MRPL42: variants seen among roughly 807,000 people sequenced by gnomAD.
MRPL42 encodes the protein large ribosomal subunit protein mL42.
MRPL42 carries 17 observed loss-of-function variants against 17.9 expected under a neutral mutation model. The ratio of observed to expected loss-of-function variants is 0.95; its 90% CI spans 0.65 to 1.42. The LOEUF (loss-of-function observed/expected upper bound fraction) is 1.42. Ranked by LOEUF, MRPL42 falls within the 40% of genes most tolerant of loss-of-function variation. The probability of loss-of-function intolerance (pLI) is 0.00; values close to 1 mark genes in which losing one functional copy is unlikely to be tolerated. For synonymous variants in MRPL42, 59 were observed against 54.4 expected (o/e 1.08, Z -0.37); for missense variants, 177 against 175.2 (o/e 1.01, Z -0.06).
Position 93,488,982 on chromosome 12 carries a change from C to T in MRPL42, c.383+1322C>T, listed in dbSNP as rs1206599845. 4.6e-5 allele frequency among the ~76,000 whole-genome samples: 7 copies of T among 151,978 alleles called. No individual in the cohort carries two copies. The East Asian group carries it at 5.8e-4, about 13-fold the overall frequency. On this transcript the variant is annotated intron_variant, in intron 5 of 5. Coordinates refer to ENST00000549982, the MANE Select transcript of MRPL42 (RefSeq NM_014050.4). ...CTGGGATTACAGGCACACTCTGCCA[C>T]GCCCAGCTAGTTTGAACAAAACTTT...
intron 4 of MRPL42, among the ~76,000 whole-genome samples, chr12:93,484,769 T>C (rs1880623914): frequency 6.6e-6 from 1 of 150,878 alleles, no homozygotes; most frequent in Admixed American, 6.7e-5. Context: ...GCTAATTTTT[T>C]GTATTTTCAG....
chr12:93,488,349 C>G (rs1953347812), intron 5 of MRPL42: 3 of 398,334 alleles, frequency 7.5e-6, no homozygotes, highest in South Asian at 2.5e-4. Flanking sequence ...CTCAAGTGAT[C>G]CTCCTCCCTC....
rs1039249471 is a variant in MRPL42, at chr12:93,502,016, G to C, written c.*795G>C. The C allele has an allele frequency of 7.2e-5, 11 of 152,122 alleles. No homozygotes were observed. The highest frequency in any genetic ancestry group is 3.4e-3 in the Middle Eastern group (1 of 292). 9.4% of individuals were successfully genotyped at this position (152,122 alleles called of 1,614,324 possible). A position where few individuals can be genotyped will look rare whatever the true frequency, so the allele number is the denominator to read the frequency against. On this transcript the variant is annotated 3_prime_UTR_variant, in exon 6 of 6. Coordinates refer to ENST00000549982, the MANE Select transcript of MRPL42 (RefSeq NM_014050.4). Reference sequence around the variant, plus strand: ...AGTGACTCGAACCTTACCCAAACAAGTGGGAGAGCCAGGAGCCAAACTATC... The same window carrying C: ...AGTGACTCGAACCTTACCCAAACAACTGGGAGAGCCAGGAGCCAAACTATC...
At chr12:93,468,634 A>AG (rs1428468538) in intron 1 of MRPL42, among the ~76,000 whole-genome samples, 1 of 152,196 alleles carries the variant, frequency 6.6e-6, no homozygotes, top group East Asian at 1.9e-4. Context: ...TACACATATA[A>AG]GATGGTGAAA....
rs1024292393 is a variant in MRPL42, at chr12:93,503,994, T to A, written c.*2773T>A. 1 of 116,270 alleles carries A rather than the reference T, an allele frequency of 8.6e-6. No individual in the cohort carries two copies. The highest frequency in any genetic ancestry group is 1.9e-5 in the Non-Finnish European group (1 of 53,986). 7.2% of individuals were successfully genotyped at this position (116,270 alleles called of 1,614,324 possible). On this transcript the variant is annotated 3_prime_UTR_variant, in exon 6 of 6. Transcript: ENST00000549982. The stretch of plus-strand genomic sequence containing the variant: ...TTCTTTTTTTATTTTTTTTTTAAAT[T>A]TATTTCTTCTTTTTTTTTTCTTATA...
intron 4 of MRPL42, among the ~76,000 whole-genome samples, chr12:93,484,979 CATATATATAT>C (rs4020795): frequency 0.039 from 880 of 22,392 alleles, 47 homozygotes; most frequent in East Asian, 0.073. Context: ...CACACACACA[CATATATATAT>C]ATATATATAT....
In MRPL42 at chr12:93,511,227, A is replaced by G. The variant is rs1953722728; in HGVS notation, c.*10006A>G. On this transcript the variant is annotated 3_prime_UTR_variant, in exon 6 of 6. Coordinates refer to ENST00000549982, the MANE Select transcript of MRPL42 (RefSeq NM_014050.4). ...GTTCTGGCAAATGAAGCAATAAAAT[A>G]ATCAAAACTAAATCAACATTTAAAT... 1 of 152,216 alleles carries G rather than the reference A, an allele frequency of 6.6e-6. No homozygotes were observed. Among genetic ancestry groups the G allele is most frequent in the South Asian group, 2.1e-4 (1 of 4,834 alleles). 9.4% of individuals were successfully genotyped at this position (152,216 alleles called of 1,614,324 possible). A position where few individuals can be genotyped will look rare whatever the true frequency, so the allele number is the denominator to read the frequency against.
chr12:93,510,184 G>GCATA lies in MRPL42; in HGVS notation c.*8963_*8964insCATA, dbSNP rs1953713397. On this transcript the variant is annotated 3_prime_UTR_variant, in exon 6 of 6. Transcript: ENST00000549982. ...CCTTTTTCAGAACGCCATATAGTTG[G>GCATA]AATCATAAAGTATATATAGCCTTTT... The GCATA allele has an allele frequency of 1.3e-5, 2 of 152,182 alleles. No homozygotes were observed. Among genetic ancestry groups the GCATA allele is most frequent in the African/African-American group, 4.8e-5 (2 of 41,402 alleles). The allele number at this position is 152,182 out of a possible 1,614,324, so 9.4% of individuals were successfully genotyped here. A position where few individuals can be genotyped will look rare whatever the true frequency, so the allele number is the denominator to read the frequency against.
At chr12:93,485,728 A>G (rs555756940) in intron 4 of MRPL42, among the ~76,000 whole-genome samples, 1 of 152,320 alleles carries the variant, frequency 6.6e-6, no homozygotes. Context: ...TGAATGTTAC[A>G]ATCTTTGTTA....
At chr12:93,488,374 G>A (rs1953349955) in intron 5 of MRPL42, 1 of 398,438 alleles carries the variant, frequency 2.5e-6, no homozygotes, top group Non-Finnish European at 4.4e-6. Context: ...GGGATTGTAA[G>A]AATGAGCCAC....
Position 93,487,653 on chromosome 12 carries a change from C to A in MRPL42, c.376C>A (p.His126Asn). Residue 126 changes from histidine to asparagine, a missense_variant, in exon 5 of 6, where the codon CAT becomes AAT. Coordinates refer to ENST00000549982, the MANE Select transcript of MRPL42 (RefSeq NM_014050.4). ...TACTACTAAGCACCGTTGGTATCCT[C>A]ATGGACGGTAAGTTTTCTTTTCTTT... ...FFTTKHRWYP[H>N]GRYHRCRKNL... is the part of the protein sequence containing the mutation. 1 of 1,603,948 alleles carries A rather than the reference C, an allele frequency of 6.2e-7. No homozygotes were observed. The highest frequency in any genetic ancestry group is 1.1e-5 in the South Asian group (1 of 89,226).
chr12:93,488,209 A>T, intron 5 of MRPL42: 1 of 386,082 alleles, frequency 2.6e-6, no homozygotes. Flanking sequence ...TGACCTTGTG[A>T]TCCACCCACC....
intron 4 of MRPL42, among the ~76,000 whole-genome samples, chr12:93,480,862 A>C (rs1051358377): frequency 4.6e-5 from 7 of 152,052 alleles, no homozygotes; most frequent in African/African-American, 1.7e-4. Flanking sequence ...ATTCCTTTTT[A>C]AACTCACCAT....
At chr12:93,475,020 G>C (rs958477296) in intron 2 of MRPL42, among the ~76,000 whole-genome samples, 7 of 152,280 alleles carry the variant, frequency 4.6e-5, no homozygotes, top group Non-Finnish European at 1.0e-4. Context: ...TTGAACATGG[G>C]AGGCGGAGGT....
chr12:93,482,743 G>A (rs886754534), intron 4 of MRPL42, among the ~76,000 whole-genome samples: 1 of 152,058 alleles, frequency 6.6e-6, no homozygotes, highest in Non-Finnish European at 1.5e-5. Context: ...ACACCACCAT[G>A]CCCAGCTAAT....
rs1953614920 is a variant in MRPL42 at position 93,502,901 on chromosome 12, A to C, written c.*1680A>C. The C allele has an allele frequency of 6.6e-6, 1 of 152,220 alleles. No individual in the cohort carries two copies. The allele number at this position is 152,220 out of a possible 1,614,324, so 9.4% of individuals were successfully genotyped here. A position where few individuals can be genotyped will look rare whatever the true frequency, so the allele number is the denominator to read the frequency against. On this transcript the variant is annotated 3_prime_UTR_variant, in exon 6 of 6. Transcript: ENST00000549982. The stretch of plus-strand genomic sequence containing the variant: ...GGAGAATTAACTTTGACTTTATTCT[A>C]CTGGAAGTATAGATTAACACTGTGC...
chr12:93,476,758 G>C (rs534498301), intron 2 of MRPL42, among the ~76,000 whole-genome samples, 196 bp from the exon 3 acceptor site: 3 of 152,152 alleles, frequency 2.0e-5, no homozygotes, highest in South Asian at 4.1e-4. Context: ...TTGTTTGTCT[G>C]TCTCTCTCAC....
chr12:93,480,415 C>T (rs971504518), intron 4 of MRPL42, among the ~76,000 whole-genome samples: 1 of 151,878 alleles, frequency 6.6e-6, no homozygotes, highest in Non-Finnish European at 1.5e-5. Flanking sequence ...GCCACCGTGC[C>T]CGGCCTTGAT....
intron 2 of MRPL42, among the ~76,000 whole-genome samples, chr12:93,476,165 C>T (rs1303119044): frequency 2.0e-5 from 3 of 151,954 alleles, no homozygotes. Context: ...ATAAACTATG[C>T]ACCTTGGAAA....
Sources: gnomAD v4.1 joint callset for allele counts (sites outside exome capture counted in the v4.1 genomes callset) on GRCh38, gnomAD v4.1.1 for gene constraint, MANE v1.5 for transcripts, NCBI Gene and HGNC (gene_info 2026-07-23, HGNC 2026-07-21) for gene names.